Variants in CDK5RAP2 observed in about 807,000 individuals in gnomAD.
CDK5RAP2 encodes the protein CDK5 regulatory subunit-associated protein 2.
In CDK5RAP2, 147 loss-of-function variants were observed where a neutral mutation model predicts 232.9. The observed-to-expected ratio is 0.63, with a 90% confidence interval of 0.55 to 0.72. The LOEUF is 0.72. CDK5RAP2 is among the 30% of genes least tolerant of loss of function. The pLI is 0.00. For synonymous variants in CDK5RAP2, 833 were observed against 833.7 expected (o/e 1.00, Z 0.01); for missense variants, 2,195 against 2,231.5 (o/e 0.98, Z 0.33).
intron 3 of CDK5RAP2, among the ~76,000 whole-genome samples, chr9:120,564,725 C>T (rs2042587236): frequency 6.6e-6 from 1 of 152,166 alleles, no homozygotes; most frequent in Admixed American, 6.5e-5. Flanking sequence ...ATGTCATTCC[C>T]TGTCAAAAGC....
chr9:120,414,163 C>T (rs1412873735), intron 28 of CDK5RAP2, among the ~76,000 whole-genome samples: 2 of 152,238 alleles, frequency 1.3e-5, no homozygotes, highest in East Asian at 3.8e-4. Context: ...GAGTGAGGCA[C>T]TGAGCAAGGC....
chr9:120,493,402 AG>A (rs1418074746), intron 12 of CDK5RAP2, among the ~76,000 whole-genome samples: 5 of 152,240 alleles, frequency 3.3e-5, no homozygotes, highest in Non-Finnish European at 7.3e-5. Context: ...GCTGCACCTC[AG>A]GGTAACTAAA....
chr9:120,403,090 G>C lies in CDK5RAP2; in HGVS notation c.5042-19C>G, dbSNP rs752541676. 6.2e-7 allele frequency: 1 copy of C among 1,613,466 alleles called. No individual in the cohort carries two copies. The highest frequency in any genetic ancestry group is 8.5e-7 in the Non-Finnish European group (1 of 1,179,438). On this transcript the variant is annotated intron_variant, in intron 33 of 37. Transcript: ENST00000349780. The surrounding 1 kb of genome is among the most constrained non-coding windows in gnomAD (Gnocchi z 4.2). ...TCTGAAACTGTAAAATGAGAAGTAG[G>C]ATGTAAAATCTGTTTCAGGTAACAC...
At chr9:120,435,609 T>C (rs931307229) in intron 25 of CDK5RAP2, among the ~76,000 whole-genome samples, 1 of 152,098 alleles carries the variant, frequency 6.6e-6, no homozygotes, top group Non-Finnish European at 1.5e-5. Context: ...ATCAAGGCTC[T>C]TGGAGAAATG....
At chr9:120,415,549 A>G (rs1348853309) in intron 27 of CDK5RAP2, among the ~76,000 whole-genome samples, 2 of 152,256 alleles carry the variant, frequency 1.3e-5, no homozygotes, top group African/African-American at 4.8e-5. Flanking sequence ...AACTACCTTC[A>G]TAATGAATCC....
At position 120,470,132 on chromosome 9, in the gene CDK5RAP2, A is replaced by T. The variant is rs750689589; in HGVS notation, c.1947T>A (p.Ser649=). 1.3e-6 allele frequency: 2 copies of T among 1,563,338 alleles called. No individual in the cohort carries two copies. Among genetic ancestry groups the T allele is most frequent in the Non-Finnish European group, 1.8e-6 (2 of 1,135,598 alleles). Residue 649 remains serine (S), a synonymous_variant, in exon 17 of 38, where the codon TCT becomes TCA. Coordinates refer to ENST00000349780, the MANE Select transcript of CDK5RAP2 (RefSeq NM_018249.6). ...ENNRFQVEHF[S]QEELKKKVSD... is the part of the protein sequence containing the mutation. ...ATACCTTTTTCTTAAGTTCTTCTTG[A>T]GAAAAATGTTCCACTTGAAACCGAT... is the stretch of plus-strand genomic sequence containing the variant.
chr9:120,568,480 G>A (rs75688196), intron 2 of CDK5RAP2, 92 bp from the exon 3 acceptor site: 14 of 907,366 alleles, frequency 1.5e-5, no homozygotes, highest in Non-Finnish European at 2.2e-5. Context: ...AAAACAACAC[G>A]AACTGCTTCC....
At chr9:120,404,615 G>C (rs1172521114) in intron 32 of CDK5RAP2, among the ~76,000 whole-genome samples, 1 of 152,146 alleles carries the variant, frequency 6.6e-6, no homozygotes, top group East Asian at 1.9e-4. Flanking sequence ...CCAAGGCCCG[G>C]GTGCAGGGAA....
chr9:120,536,458 C>T lies in CDK5RAP2; in HGVS notation c.576G>A (p.Arg192=). The T allele has an allele frequency of 6.2e-7, 1 of 1,614,194 alleles. No individual in the cohort carries two copies. Among genetic ancestry groups the T allele is most frequent in the Non-Finnish European group, 8.5e-7 (1 of 1,180,022 alleles). ...FAGTETEKAL[R]LRLESKLSEM... ...CTGAAAGCTTGCTTTCCAAACGCAA[C>T]CGAAGAGCCTTCTCCGTCTCTGTCC... The change falls in exon 7 of 38, where the codon CGG becomes CGA. Residue 192 remains arginine (R), a synonymous_variant. Coordinates refer to ENST00000349780, the MANE Select transcript of CDK5RAP2 (RefSeq NM_018249.6).
intron 12 of CDK5RAP2, among the ~76,000 whole-genome samples, chr9:120,494,911 G>A (rs1480355020): frequency 1.5e-4 from 21 of 143,778 alleles, no homozygotes; most frequent in African/African-American, 5.6e-4. Context: ...CGGCGCTGAC[G>A]CCCGCGGGCC....
In CDK5RAP2 at chr9:120,437,276, C is replaced by T. The variant is rs748872431; in HGVS notation, c.3955+19G>A. The T allele has an allele frequency of 1.9e-5, 30 of 1,560,362 alleles. No homozygotes were observed. The highest frequency in any genetic ancestry group is 1.1e-4 in the East Asian group (5 of 43,934). ...TCAATTACTGATGTCTTAAGACTCG[C>T]GTACCTCACCCTACCTACCGTTGAG... On this transcript the variant is annotated intron_variant, in intron 25 of 37. Transcript: ENST00000349780.
In CDK5RAP2 at chr9:120,518,653, A is replaced by G; in HGVS notation, c.1093-8T>C. 1 of 1,609,798 alleles carries G rather than the reference A, an allele frequency of 6.2e-7. No homozygotes were observed. The highest frequency in any genetic ancestry group is 8.5e-7 in the Non-Finnish European group (1 of 1,176,230). On this transcript the variant is annotated splice_region_variant and splice_polypyrimidine_tract_variant and intron_variant, in intron 11 of 37. Coordinates refer to ENST00000349780, the MANE Select transcript of CDK5RAP2 (RefSeq NM_018249.6). ...CTCATAGTCTTCAGACCCCTAGAAG[A>G]GAAGGCAGAGAAGCAAGATGAGCTA...
intron 30 of CDK5RAP2, among the ~76,000 whole-genome samples, 190 bp downstream of exon 30, chr9:120,408,937 C>T (rs1032821408): frequency 2.0e-5 from 3 of 152,274 alleles, no homozygotes; most frequent in African/African-American, 7.2e-5. Context: ...CAGCAACCCA[C>T]TGCCAAGCCC....
At chr9:120,398,276 T>C (rs939094591) in intron 35 of CDK5RAP2, among the ~76,000 whole-genome samples, 3 of 152,234 alleles carry the variant, frequency 2.0e-5, no homozygotes, top group African/African-American at 4.8e-5. Flanking sequence ...TTTGATTTCT[T>C]ATCTCTTTTT....
chr9:120,475,850 G>A (rs1175753735), intron 15 of CDK5RAP2, among the ~76,000 whole-genome samples: 2 of 152,214 alleles, frequency 1.3e-5, no homozygotes, highest in Non-Finnish European at 2.9e-5. Context: ...AGCAGAGACA[G>A]TAAGGTGGGA....
intron 28 of CDK5RAP2, among the ~76,000 whole-genome samples, chr9:120,412,959 C>A (rs529642893): frequency 6.6e-6 from 1 of 152,344 alleles, no homozygotes; most frequent in African/African-American, 2.4e-5. Flanking sequence ...TGGGTTTGAA[C>A]CATGGCTCTG....
chr9:120,512,896 A>C (rs2040160920), intron 12 of CDK5RAP2, among the ~76,000 whole-genome samples: 1 of 152,240 alleles, frequency 6.6e-6, no homozygotes, highest in Non-Finnish European at 1.5e-5. Flanking sequence ...TGAGGATCAT[A>C]CCTGCTTTAT....
At chr9:120,449,742 G>T (rs141587520) in intron 21 of CDK5RAP2, among the ~76,000 whole-genome samples, 1 of 152,316 alleles carries the variant, frequency 6.6e-6, no homozygotes, top group African/African-American at 2.4e-5. Flanking sequence ...GGAGATATGT[G>T]TATGGCCAAT....
chr9:120,416,251 G>C (rs544787532), intron 27 of CDK5RAP2, among the ~76,000 whole-genome samples: 1 of 152,158 alleles, frequency 6.6e-6, no homozygotes, highest in Admixed American at 6.5e-5. Context: ...GAGGCCAATC[G>C]CAAGCCCCCA....
Sources: gnomAD v4.1 joint callset for allele counts (sites outside exome capture counted in the v4.1 genomes callset) on GRCh38, gnomAD v4.1.1 for gene constraint, Gnocchi (gnomAD v3.1) non-coding constraint, MANE v1.5 for transcripts, NCBI Gene and HGNC (gene_info 2026-07-23, HGNC 2026-07-21) for gene names.